The following KL variants were observed in gnomAD, a reference collection of about 807,000 sequenced individuals.
KL encodes the protein klotho.
Under a neutral mutation model 84.2 loss-of-function variants are expected in KL, and 62 were observed. The observed-to-expected ratio is 0.74, with a 90% CI of 0.60 to 0.91. The LOEUF is 0.91. Among genes scored for constraint, KL ranks in the 40% least tolerant of loss-of-function variants. The pLI is 0.00. For synonymous variants in KL, 528 were observed against 528.0 expected (o/e 1.00, Z 0.00); for missense variants, 1,261 against 1,305.7 (o/e 0.97, Z 0.53).
chr13:33,056,400 GAAAT>G (rs1180920089), intron 3 of KL, among the ~76,000 whole-genome samples: 9 of 152,160 alleles, frequency 5.9e-5, no homozygotes, highest in African/African-American at 2.2e-4. Context: ...TATTTATAAG[GAAAT>G]AAATTAACAC....
At chr13:33,048,907 C>T (rs957307963) in intron 1 of KL, among the ~76,000 whole-genome samples, 5 of 152,134 alleles carry the variant, frequency 3.3e-5, no homozygotes, top group Non-Finnish European at 2.9e-5. Context: ...GTATTTTCCT[C>T]GACTTCCAAA....
intron 1 of KL, among the ~76,000 whole-genome samples, chr13:33,048,649 T>C (rs1448312935): frequency 2.0e-5 from 3 of 152,202 alleles, no homozygotes; most frequent in African/African-American, 7.2e-5. Context: ...TTCTTCCTTT[T>C]CAGCTCAGCA....
chr13:33,022,159 G>A (rs1433206074), intron 1 of KL, among the ~76,000 whole-genome samples: 1 of 152,104 alleles, frequency 6.6e-6, no homozygotes, highest in African/African-American at 2.4e-5. Flanking sequence ...AGAAAAGAAG[G>A]AAAATGTAAA....
rs984404782 is a variant in KL at position 33,064,772 on chromosome 13, T to A, written c.*586T>A. The A allele has an allele frequency of 4.4e-6, 1 of 225,156 alleles. No homozygotes were observed. Among genetic ancestry groups the A allele is most frequent in the African/African-American group, 2.2e-5 (1 of 44,896 alleles). 13.9% of individuals were successfully genotyped at this position (225,156 alleles called of 1,614,324 possible). ...AAATACTAGTATTAATTTATGTATCTGGTTAATGACATACTTGGAGAGCAA... is the reference window on the plus strand; with the variant it reads ...AAATACTAGTATTAATTTATGTATCAGGTTAATGACATACTTGGAGAGCAA... On this transcript the variant is annotated 3_prime_UTR_variant, in exon 5 of 5. Coordinates refer to ENST00000380099, the MANE Select transcript of KL (RefSeq NM_004795.4).
intron 1 of KL, among the ~76,000 whole-genome samples, chr13:33,037,327 T>TA (rs147150604): frequency 1.3e-5 from 2 of 152,046 alleles, no homozygotes; most frequent in Non-Finnish European, 2.9e-5. Flanking sequence ...CCGTCACTTT[T>TA]AAAAAAAACA....
chr13:33,051,391 A>G (rs186315053), intron 1 of KL, among the ~76,000 whole-genome samples: 5 of 152,174 alleles, frequency 3.3e-5, no homozygotes, highest in Admixed American at 3.3e-4. Flanking sequence ...AATAAAAAAG[A>G]AATTAGCCAG....
At chr13:33,025,655 A>G (rs1052663288) in intron 1 of KL, among the ~76,000 whole-genome samples, 13 of 152,222 alleles carry the variant, frequency 8.5e-5, no homozygotes, top group African/African-American at 3.1e-4. Flanking sequence ...TTTGCTGTGC[A>G]GAACCAAGCA....
In KL at chr13:33,060,962, G is replaced by C. The variant is rs137884931; in HGVS notation, c.1883G>C (p.Arg628Pro). ...YYRCMASELV[R>P]VNITPVVALW... ...CGCTGCATGGCCAGCGAGCTTGTCCGTGTCAACATCACCCCAGTGGTGGCC... is the reference window on the plus strand; with the variant it reads ...CGCTGCATGGCCAGCGAGCTTGTCCCTGTCAACATCACCCCAGTGGTGGCC... The change falls in exon 4 of 5, where the codon CGT becomes CCT. Residue 628 changes from arginine (R) to proline (P), a missense_variant. By Grantham distance (103) the Arg-to-Pro change is moderately radical (BLOSUM62 -2). Transcript: ENST00000380099. 6.2e-7 allele frequency: 1 copy of C among 1,611,374 alleles called. No individual in the cohort carries two copies. Among genetic ancestry groups the C allele is most frequent in the Non-Finnish European group, 8.5e-7 (1 of 1,177,868 alleles).
chr13:33,063,924 G>T lies in KL; in HGVS notation c.2777G>T (p.Gly926Val), dbSNP rs777651747. 1 of 1,614,040 alleles carries T rather than the reference G, an allele frequency of 6.2e-7. No individual in the cohort carries two copies. Among genetic ancestry groups the T allele is most frequent in the Non-Finnish European group, 8.5e-7 (1 of 1,180,036 alleles). ...AACGACCGCACAGCTCCGAGGTTTG[G>T]CCTCTATCGTTATGCTGCAGATCAG... ...SFNDRTAPRF[G>V]LYRYAADQFE... Residue 926 changes from glycine (G) to valine (V), a missense_variant, in exon 5 of 5, where the codon GGC (glycine) becomes GTC (valine). Physicochemically the swap from Gly to Val is moderately radical, Grantham distance 109. Transcript: ENST00000380099.
Position 33,053,949 on chromosome 13 carries a change from T to C in KL, c.1002T>C (p.Asp334=), listed in dbSNP as rs779826596. ...GGTTTGCCAAACCCGTATTTATTGA[T>C]GGTGACTATCCCGAGAGCATGAAGA... ...LGWFAKPVFI[D]GDYPESMKNN... The change falls in exon 2 of 5, where the codon GAT becomes GAC. Residue 334 remains aspartate (D), a synonymous_variant. Coordinates refer to ENST00000380099, the MANE Select transcript of KL (RefSeq NM_004795.4). The C allele has an allele frequency of 6.2e-7, 1 of 1,614,214 alleles. No individual in the cohort carries two copies. Among genetic ancestry groups the C allele is most frequent in the Non-Finnish European group, 8.5e-7 (1 of 1,180,008 alleles).
chr13:33,054,529 T>C (rs952631838), intron 2 of KL, among the ~76,000 whole-genome samples: 3 of 152,260 alleles, frequency 2.0e-5, no homozygotes, highest in African/African-American at 7.2e-5. Context: ...CTTTCAGTTA[T>C]TAATCTAGAT....
At chr13:33,021,440 T>C (rs1870570979) in intron 1 of KL, among the ~76,000 whole-genome samples, 1 of 152,158 alleles carries the variant, frequency 6.6e-6, no homozygotes, top group Admixed American at 6.5e-5. Flanking sequence ...CTGGCCAGCT[T>C]TAGGAGTATA....
At chr13:33,025,954 T>C (rs1870757808) in intron 1 of KL, among the ~76,000 whole-genome samples, 2 of 152,220 alleles carry the variant, frequency 1.3e-5, no homozygotes, top group Non-Finnish European at 1.5e-5. Context: ...CTGATGGTGG[T>C]TTATTCTTTA....
At chr13:33,022,306 C>A (rs979630395) in intron 1 of KL, among the ~76,000 whole-genome samples, 21 of 152,178 alleles carry the variant, frequency 1.4e-4, no homozygotes, top group Non-Finnish European at 3.1e-4. Flanking sequence ...TCAAAAATAT[C>A]ATTGCTCTAA....
chr13:33,045,933 T>TGTAATGCATTAA lies in KL; in HGVS notation c.820-7823_820-7822insAGTAATGCATTA, dbSNP rs1366183655. Among the ~76,000 whole-genome samples the TGTAATGCATTAA allele has an allele frequency of 2.6e-5, 4 of 152,256 alleles. No homozygotes were observed. The East Asian group carries it at 7.7e-4, about 29-fold the overall frequency. ...GTTTTCTCCCCCTTTACTCTATTGATGTAATGCATTACAACGATTTTTTTT... is the reference window on the plus strand; with the variant it reads ...GTTTTCTCCCCCTTTACTCTATTGATGTAATGCATTAAGTAATGCATTACAACGATTTTTTTT... On this transcript the variant is annotated intron_variant, in intron 1 of 4. Coordinates refer to ENST00000380099, the MANE Select transcript of KL (RefSeq NM_004795.4).
chr13:33,046,148 T>G (rs945422707), intron 1 of KL, among the ~76,000 whole-genome samples: 1 of 152,246 alleles, frequency 6.6e-6, no homozygotes, highest in Non-Finnish European at 1.5e-5. Context: ...ATCAAGATAA[T>G]GCTGGCCACA....
chr13:33,043,125 A>G (rs1370864197), intron 1 of KL, among the ~76,000 whole-genome samples: 3 of 152,226 alleles, frequency 2.0e-5, no homozygotes, highest in African/African-American at 7.2e-5. Context: ...ATTTTATAAG[A>G]AACTGTCAAA....
intron 1 of KL, among the ~76,000 whole-genome samples, chr13:33,017,815 T>A: frequency 6.6e-6 from 1 of 152,220 alleles, no homozygotes; most frequent in Non-Finnish European, 1.5e-5. Context: ...GGCAGGGAAC[T>A]GCATCCACCA....
At chr13:33,060,072 T>C (rs1872115062) in intron 3 of KL, among the ~76,000 whole-genome samples, 1 of 152,134 alleles carries the variant, frequency 6.6e-6, no homozygotes, top group African/African-American at 2.4e-5. Context: ...TAGGTGATCC[T>C]CATACCTCAG....
Sources: gnomAD v4.1 joint callset for allele counts (sites outside exome capture counted in the v4.1 genomes callset) on GRCh38, gnomAD v4.1.1 for gene constraint, MANE v1.5 for transcripts, NCBI Gene and HGNC (gene_info 2026-07-23, HGNC 2026-07-21) for gene names.